The following PHACTR1 variants were observed in gnomAD, a reference collection of about 807,000 sequenced individuals.
The protein encoded by PHACTR1 is RPEL repeat containing 1.
A neutral mutation model predicts 69.2 loss-of-function variants in PHACTR1; 16 were observed. That is an observed-to-expected ratio of 0.23 (90% CI 0.16 to 0.35). PHACTR1 has a LOEUF of 0.35. Among genes scored for constraint, PHACTR1 ranks in the 10% least tolerant of loss-of-function variants. The probability of loss-of-function intolerance (pLI) is 1.00; values close to 1 mark genes in which losing one functional copy is unlikely to be tolerated. For synonymous variants in PHACTR1, 312 were observed against 284.5 expected, an observed-to-expected ratio of 1.10 and a Z score of -0.97; for missense variants, 510 against 734.7, an observed-to-expected ratio of 0.69 and a Z score of 3.54.
chr6:12,770,153 G>A (rs1223203376), intron 4 of PHACTR1, among the ~76,000 whole-genome samples: 2 of 152,112 alleles, frequency 1.3e-5, no homozygotes, highest in Admixed American at 1.3e-4. Context: ...CCCATTATGG[G>A]GACTCTTAAA....
At chr6:13,030,344 G>C (rs540713438) in intron 4 of PHACTR1, among the ~76,000 whole-genome samples, 1 of 152,194 alleles carries the variant, frequency 6.6e-6, no homozygotes, top group Non-Finnish European at 1.5e-5. Flanking sequence ...CTTACACAGA[G>C]TTTCCTGTCA....
At chr6:13,104,108 T>A (rs1815661755) in intron 5 of PHACTR1, among the ~76,000 whole-genome samples, 1 of 151,930 alleles carries the variant, frequency 6.6e-6, no homozygotes, top group Non-Finnish European at 1.5e-5. Context: ...ATAAAGAAAA[T>A]TTTTTTCGAA....
chr6:13,055,134 ACT>A (rs1806574527), intron 5 of PHACTR1, among the ~76,000 whole-genome samples: 2 of 152,124 alleles, frequency 1.3e-5, no homozygotes, highest in African/African-American at 4.8e-5. Flanking sequence ...ATGTTTTCTG[ACT>A]CTGTTTCTTA....
chr6:12,839,807 G>A (rs1778513880), intron 4 of PHACTR1, among the ~76,000 whole-genome samples: 1 of 152,172 alleles, frequency 6.6e-6, no homozygotes, highest in Admixed American at 6.5e-5. Context: ...TTCACACCTT[G>A]ATCAGATGTG....
chr6:13,180,239 T>C (rs1762013175), intron 6 of PHACTR1, among the ~76,000 whole-genome samples: 1 of 152,220 alleles, frequency 6.6e-6, no homozygotes, highest in Non-Finnish European at 1.5e-5. Context: ...TTACACCTTC[T>C]TCTCCTGTTT....
Position 13,283,615 on chromosome 6 carries a change from C to T in PHACTR1, c.1650+53C>T, listed in dbSNP as rs770806164. 16 of 1,612,616 alleles carry T rather than the reference C, an allele frequency of 9.9e-6. No homozygotes were observed. Among genetic ancestry groups the T allele is most frequent in the Middle Eastern group, 1.7e-4 (1 of 6,000 alleles). On this transcript the variant is annotated intron_variant, in intron 13 of 14. Transcript: ENST00000332995. The surrounding 1 kb of genome is among the most constrained non-coding windows in gnomAD (Gnocchi z 4.7). ...GGAGGCAGGACCGTCTGCTGGGTCT[C>T]GCTGGGCTCACCGCTGGGGAGCGTG...
intron 4 of PHACTR1, among the ~76,000 whole-genome samples, chr6:12,856,087 A>G (rs1471662607): frequency 6.6e-6 from 1 of 152,164 alleles, no homozygotes; most frequent in Non-Finnish European, 1.5e-5. Flanking sequence ...AGAGGCAAGC[A>G]GTGGAAAAGC....
At chr6:12,904,356 A>C (rs1785497600) in intron 4 of PHACTR1, among the ~76,000 whole-genome samples, 1 of 151,922 alleles carries the variant, frequency 6.6e-6, no homozygotes, top group Non-Finnish European at 1.5e-5. Flanking sequence ...ACATGGTGAA[A>C]CCCCATCTCT....
intron 4 of PHACTR1, among the ~76,000 whole-genome samples, chr6:12,841,628 C>T (rs1031108219): frequency 6.6e-6 from 1 of 152,164 alleles, no homozygotes; most frequent in Non-Finnish European, 1.5e-5. Flanking sequence ...AAATATTAGT[C>T]AAACGGAATA....
intron 8 of PHACTR1, among the ~76,000 whole-genome samples, chr6:13,218,692 C>T (rs1460733979): frequency 6.6e-6 from 1 of 151,780 alleles, no homozygotes. Flanking sequence ...TATGGTGACA[C>T]CTGTTAGTAC....
chr6:12,840,931 T>C (rs539874585), intron 4 of PHACTR1, among the ~76,000 whole-genome samples: 3 of 152,344 alleles, frequency 2.0e-5, no homozygotes, highest in African/African-American at 7.2e-5. Context: ...GAGTTGATTT[T>C]GTGGATGGCA....
Position 13,283,842 on chromosome 6 carries a change from G to A in PHACTR1, c.1650+280G>A, listed in dbSNP as rs1413280734. 7 of 453,050 alleles carry A rather than the reference G, an allele frequency of 1.5e-5. No individual in the cohort carries two copies. The highest frequency in any genetic ancestry group is 4.6e-5 in the East Asian group (1 of 21,848). 28.1% of individuals were successfully genotyped at this position (453,050 alleles called of 1,614,324 possible). On this transcript the variant is annotated intron_variant, in intron 13 of 14. Transcript: ENST00000332995. This position sits in a 1 kb window ranked among gnomAD's most constrained non-coding sequence, Gnocchi z 4.7. Reference sequence around the variant, plus strand: ...TGCCCAGAGAAAGAGAATAGCACTGGATAGGTGTAGACAGGTGAAGGCAAG... The same window carrying A: ...TGCCCAGAGAAAGAGAATAGCACTGAATAGGTGTAGACAGGTGAAGGCAAG...
At chr6:13,122,923 A>G (rs1273163238) in intron 5 of PHACTR1, among the ~76,000 whole-genome samples, 1 of 152,192 alleles carries the variant, frequency 6.6e-6, no homozygotes, top group Non-Finnish European at 1.5e-5. Flanking sequence ...GAGGCAGCAC[A>G]TATTCAGTGT....
intron 10 of PHACTR1, among the ~76,000 whole-genome samples, chr6:13,231,727 T>C (rs1275663731): frequency 6.6e-6 from 1 of 152,254 alleles, no homozygotes; most frequent in Non-Finnish European, 1.5e-5. Context: ...CATGTATGTA[T>C]TTGTAATCAA....
chr6:13,076,120 GACAA>G (rs973465690), intron 5 of PHACTR1, among the ~76,000 whole-genome samples: 2 of 147,824 alleles, frequency 1.4e-5, no homozygotes, highest in African/African-American at 5.0e-5. Flanking sequence ...TCCTTTGTTC[GACAA>G]ACACTTACCT....
chr6:13,225,283 G>T (rs1452010810), intron 8 of PHACTR1, among the ~76,000 whole-genome samples: 1 of 152,130 alleles, frequency 6.6e-6, no homozygotes, highest in African/African-American at 2.4e-5. Flanking sequence ...TCAGTCTTAA[G>T]GAAAATTAGG....
intron 5 of PHACTR1, among the ~76,000 whole-genome samples, chr6:13,106,757 A>C (rs1004954465): frequency 1.3e-5 from 2 of 151,970 alleles, no homozygotes; most frequent in Admixed American, 6.5e-5. Flanking sequence ...ATGGATGTTG[A>C]ATATTGCCCA....
chr6:13,249,615 A>G (rs1774075743), intron 10 of PHACTR1, among the ~76,000 whole-genome samples: 1 of 152,098 alleles, frequency 6.6e-6, no homozygotes, highest in Admixed American at 6.6e-5. Context: ...CCTGGCTAAC[A>G]TGGTGAAACC....
intron 7 of PHACTR1, among the ~76,000 whole-genome samples, 156 bp downstream of exon 7, chr6:13,182,842 CTGAG>C (rs1162022626): frequency 6.6e-6 from 1 of 152,144 alleles, no homozygotes; most frequent in Non-Finnish European, 1.5e-5. Flanking sequence ...TTAGTACATA[CTGAG>C]TATTTTTAAA....
Sources: allele counts gnomAD v4.1 joint callset (sites outside exome capture counted in the v4.1 genomes callset), GRCh38; gene constraint gnomAD v4.1.1; non-coding constraint Gnocchi (gnomAD v3.1); transcripts MANE v1.5; gene names NCBI Gene and HGNC (gene_info 2026-07-23, HGNC 2026-07-21).